Variants in ZZEF1 observed in about 807,000 individuals in gnomAD.
ZZEF1 encodes zinc finger ZZ-type and EF-hand domain-containing protein 1.
Under a neutral mutation model 342.8 loss-of-function variants are expected in ZZEF1, and 157 were observed. The observed-to-expected ratio is 0.46, with a 90% confidence interval of 0.40 to 0.52. The LOEUF (loss-of-function observed/expected upper bound fraction) is 0.52. Ranked by LOEUF, ZZEF1 falls within the 20% of genes least tolerant of loss-of-function variation. ZZEF1 has a pLI of 0.00. For missense variants in ZZEF1, 3,480 were observed against 3,725.6 expected (o/e 0.93, Z 1.72); for synonymous variants, 1,505 against 1,429.1 (o/e 1.05, Z -1.20).
At chr17:4,125,530 C>G (rs560075475) in intron 1 of ZZEF1, among the ~76,000 whole-genome samples, 3 of 152,316 alleles carry the variant, frequency 2.0e-5, no homozygotes, top group Admixed American at 2.0e-4. Flanking sequence ...GAAAAGATCA[C>G]AGCATTCTTT....
chr17:4,064,603 G>A lies in ZZEF1; in HGVS notation c.4476C>T (p.Gly1492=). ...TGCTGGATGGCAGCTTTGGCTGGGTGCCCAGGCCAGGACTCTGGTCTCCTG... is the reference window on the plus strand; with the variant it reads ...TGCTGGATGGCAGCTTTGGCTGGGTACCCAGGCCAGGACTCTGGTCTCCTG... ...PATGDQSPGL[G]TQPKLPSSSG... Residue 1492 remains glycine (G), a synonymous_variant, in exon 29 of 55, where the codon GGC becomes GGT. Coordinates refer to ENST00000381638, the MANE Select transcript of ZZEF1 (RefSeq NM_015113.4). The A allele has an allele frequency of 6.2e-7, 1 of 1,614,188 alleles. No homozygotes were observed. The highest frequency in any genetic ancestry group is 1.1e-5 in the South Asian group (1 of 91,086).
At position 4,016,673 on chromosome 17, in the gene ZZEF1, T is replaced by G; in HGVS notation, c.8002-207A>C. On this transcript the variant is annotated intron_variant, in intron 48 of 54. Transcript: ENST00000381638. The surrounding 1 kb of genome is among the most constrained non-coding windows in gnomAD (Gnocchi z 4.4). ...GTGTCAATCAGGACACTGCAGTCCT[T>G]TCAGAATGATGCTACTTAGAGGTGG... 1 of 550,528 alleles carries G rather than the reference T, an allele frequency of 1.8e-6. No individual in the cohort carries two copies. Among genetic ancestry groups the G allele is most frequent in the South Asian group, 2.6e-5 (1 of 38,196 alleles). The allele number at this position is 550,528 out of a possible 1,614,324, so 34.1% of individuals were successfully genotyped here.
intron 52 of ZZEF1, among the ~76,000 whole-genome samples, 169 bp from the exon 53 acceptor site, chr17:4,009,926 C>T (rs1175900854): frequency 6.6e-6 from 1 of 152,140 alleles, no homozygotes; most frequent in African/African-American, 2.4e-5. Context: ...GAATAGTCAC[C>T]AACAGCAAAG....
intron 34 of ZZEF1, among the ~76,000 whole-genome samples, 159 bp from the exon 35 acceptor site, chr17:4,052,295 G>C (rs2057065557): frequency 6.6e-6 from 1 of 152,172 alleles, no homozygotes; most frequent in Admixed American, 6.5e-5. Context: ...GCTCTGCCTG[G>C]GTGGCTCAAG....
At chr17:4,130,181 C>T (rs567399587) in intron 1 of ZZEF1, among the ~76,000 whole-genome samples, 7 of 152,132 alleles carry the variant, frequency 4.6e-5, no homozygotes, top group Non-Finnish European at 2.9e-5. Flanking sequence ...AGGTTGGGCA[C>T]GGTGGCTCAT....
At chr17:4,033,804 G>C in intron 40 of ZZEF1, 1 of 617,412 alleles carries the variant, frequency 1.6e-6, no homozygotes, top group Non-Finnish European at 2.8e-6. Flanking sequence ...CCAGTGTCGA[G>C]ACTGCTCAGC....
chr17:4,076,137 C>CT (rs549589021), intron 21 of ZZEF1: 11,759 of 122,180 alleles, frequency 0.096, 2,249 homozygotes, highest in African/African-American at 0.36. Flanking sequence ...CGTCTCCTTT[C>CT]TTTTTTTTTT....
chr17:4,137,791 A>C (rs1042016840), intron 1 of ZZEF1, among the ~76,000 whole-genome samples: 1 of 152,180 alleles, frequency 6.6e-6, no homozygotes, highest in Admixed American at 6.5e-5. Context: ...GTGCCAAAGG[A>C]TCTGTACAGA....
intron 40 of ZZEF1, chr17:4,033,797 GTGT>G (rs2056601371): frequency 6.7e-6 from 4 of 596,014 alleles, no homozygotes; most frequent in Non-Finnish European, 1.2e-5. Context: ...TCAGCAGCCA[GTGT>G]CGAGACTGCT....
chr17:4,051,843 C>T, intron 35 of ZZEF1, 128 bp downstream of exon 35: 1 of 943,296 alleles, frequency 1.1e-6, no homozygotes, highest in Non-Finnish European at 1.5e-6. Context: ...CTGTGTTAGT[C>T]TCTTTACTTT....
At chr17:4,095,057 G>T (rs2058009582) in intron 11 of ZZEF1, among the ~76,000 whole-genome samples, 1 of 152,118 alleles carries the variant, frequency 6.6e-6, no homozygotes, top group Admixed American at 6.5e-5. Flanking sequence ...AGCCCTGAAT[G>T]CCCTGCCCTT....
rs200290066 is a variant in ZZEF1, at chr17:4,105,958, C to CT, written c.1278-150dup. ...TGGCACACAATATAAACTGGCCCTT[C>CT]TTTTTTTTTGAGACGGAGTCTCGCT... is the stretch of plus-strand genomic sequence containing the variant. On this transcript the variant is annotated intron_variant, in intron 6 of 54. Coordinates refer to ENST00000381638, the MANE Select transcript of ZZEF1 (RefSeq NM_015113.4). The CT allele has an allele frequency of 4.3e-3, 2,545 of 595,106 alleles. 18 individuals carry two copies. The highest frequency in any genetic ancestry group is 0.029 in the African/African-American group (1,484 of 51,148). The allele number at this position is 595,106 out of a possible 1,614,324, so 36.9% of individuals were successfully genotyped here.
chr17:4,039,779 G>A (rs1250886593), intron 39 of ZZEF1, among the ~76,000 whole-genome samples: 2 of 151,462 alleles, frequency 1.3e-5, no homozygotes, highest in Non-Finnish European at 2.9e-5. Context: ...GAGTAGCTGG[G>A]ACTACAGGCG....
Position 4,117,070 on chromosome 17 carries a change from A to C in ZZEF1, c.596T>G (p.Val199Gly). The C allele has an allele frequency of 6.2e-7, 1 of 1,614,136 alleles. No homozygotes were observed. The change falls in exon 3 of 55, where the codon GTG becomes GGG. Residue 199 changes from valine (V) to glycine (G), a missense_variant. Physicochemically the swap from Val to Gly is moderately radical, Grantham distance 109. This residue lies in a region of ZZEF1 where 416 missense variants were observed against 374.2 expected (regional missense o/e 1.11). Transcript: ENST00000381638. The stretch of plus-strand genomic sequence containing the variant: ...GTGCTCCAGCATCGGGTAGGGCATC[A>C]CCGCGCTGGAGAGCCGATTGCGGTG... ...FLHRNRLSSA[V>G]MPYPMLEHCN...
Position 4,105,789 on chromosome 17 carries a change from G to A in ZZEF1, c.1298C>T (p.Pro433Leu). ...AGATCCTGGTGAGAGAGAGAGTGGA[G>A]GCATGTGCCGCAGCGCCTTCCTAGA... Reference protein sequence around the residue: ...HNTQKALRHMPPLSLSPGSTD... With the variant: ...HNTQKALRHMLPLSLSPGSTD... Residue 433 changes from proline to leucine, a missense_variant, in exon 7 of 55, where the codon CCT (proline) becomes CTT (leucine). By Grantham distance (98) the Pro-to-Leu change is moderately conservative (BLOSUM62 -3). Around this residue, in one of 5 missense-constraint regions of ZZEF1, gnomAD observed 1,528 missense variants for 1,624.1 expected, o/e 0.94. Coordinates refer to ENST00000381638, the MANE Select transcript of ZZEF1 (RefSeq NM_015113.4). 2 of 1,611,510 alleles carry A rather than the reference G, an allele frequency of 1.2e-6. No individual in the cohort carries two copies. The highest frequency in any genetic ancestry group is 1.7e-6 in the Non-Finnish European group (2 of 1,179,122).
At chr17:4,039,725 C>G (rs1329904472) in intron 39 of ZZEF1, among the ~76,000 whole-genome samples, 29 of 145,680 alleles carry the variant, frequency 2.0e-4, no homozygotes, top group African/African-American at 7.2e-4. Flanking sequence ...CTCACTGCAA[C>G]CTCCGCCTCC....
chr17:4,086,412 C>T, intron 15 of ZZEF1, 74 bp downstream of exon 15: 1 of 1,510,402 alleles, frequency 6.6e-7, no homozygotes, highest in Non-Finnish European at 9.1e-7. Context: ...GTAGGACAGC[C>T]CTCTTCTCTA....
In ZZEF1 at chr17:4,095,901, C is replaced by A. The variant is rs765898088; in HGVS notation, c.1843G>T (p.Glu615Ter). 1 of 1,613,780 alleles carries A rather than the reference C, an allele frequency of 6.2e-7. No individual in the cohort carries two copies. The highest frequency in any genetic ancestry group is 1.1e-5 in the South Asian group (1 of 91,060). The stretch of plus-strand genomic sequence containing the variant: ...TATTTTTCAAACCTTTTGAAGTGTT[C>A]TTCCGCACAAAATTTATCTGAAGAT... ...NSSSDKFCAEEHFKRFEKYDK... is the reference protein window; with the variant it reads ...NSSSDKFCAE Residue 615 changes from glutamate to a stop codon, truncating the protein, a stop_gained, in exon 11 of 55, where the codon GAA becomes TAA. Transcript: ENST00000381638. LOFTEE classifies it high-confidence loss of function.
chr17:4,005,195 C>T lies in ZZEF1; in HGVS notation c.*1695G>A, dbSNP rs1382087594. 2 of 152,326 alleles carry T rather than the reference C, an allele frequency of 1.3e-5. No individual in the cohort carries two copies. The highest frequency in any genetic ancestry group is 4.8e-5 in the African/African-American group (2 of 41,458). 9.4% of individuals were successfully genotyped at this position (152,326 alleles called of 1,614,324 possible). A position where few individuals can be genotyped will look rare whatever the true frequency, so the allele number is the denominator to read the frequency against. On this transcript the variant is annotated 3_prime_UTR_variant, in exon 55 of 55. Transcript: ENST00000381638. ...TGGGAAACTCCTTACTGGGAGGCCTCCTCGGGTCTGAGGGATGAAGAAGGT... is the reference window on the plus strand; with the variant it reads ...TGGGAAACTCCTTACTGGGAGGCCTTCTCGGGTCTGAGGGATGAAGAAGGT...
Sources: gnomAD v4.1 joint callset for allele counts (sites outside exome capture counted in the v4.1 genomes callset) on GRCh38, gnomAD v4.1.1 for gene constraint, gnomAD v4.1.1 regional missense constraint, Gnocchi (gnomAD v3.1) non-coding constraint, MANE v1.5 for transcripts, NCBI Gene and HGNC (gene_info 2026-07-23, HGNC 2026-07-21) for gene names.